PTPRD: variants seen among roughly 807,000 people sequenced by gnomAD.
PTPRD encodes receptor-type tyrosine-protein phosphatase delta.
Under a neutral mutation model 214.5 loss-of-function variants are expected in PTPRD, and 34 were observed. The ratio of observed to expected loss-of-function variants is 0.16; its 90% CI spans 0.12 to 0.21. The LOEUF (loss-of-function observed/expected upper bound fraction) is 0.21, where lower values mean the gene tolerates loss of function less well. PTPRD is among the 10% of genes least tolerant of loss of function. The probability of loss-of-function intolerance (pLI) is 1.00; values close to 1 mark genes in which losing one functional copy is unlikely to be tolerated. For missense variants in PTPRD, 2,545 were observed against 2,398.7 expected, an observed-to-expected ratio of 1.06 and a Z score of -1.27; for synonymous variants, 1,128 against 845.7, an observed-to-expected ratio of 1.33 and a Z score of -5.79.
chr9:8,714,144 T>C (rs530915601), intron 12 of PTPRD, among the ~76,000 whole-genome samples: 1 of 152,340 alleles, frequency 6.6e-6, no homozygotes, highest in Admixed American at 6.5e-5. Context: ...ATGATCTATA[T>C]AATCTACTTG....
intron 8 of PTPRD, among the ~76,000 whole-genome samples, chr9:9,548,302 G>T (rs1191301395): frequency 1.3e-5 from 2 of 151,564 alleles, no homozygotes; most frequent in African/African-American, 4.8e-5. Context: ...TTAAAGAAAA[G>T]AGACTAAAAA....
intron 7 of PTPRD, among the ~76,000 whole-genome samples, chr9:9,624,162 T>C (rs1444701736): frequency 3.9e-5 from 6 of 152,220 alleles, no homozygotes; most frequent in Admixed American, 3.9e-4. Context: ...CAAGTCTTAA[T>C]TGCCATCATC....
chr9:8,782,757 G>A (rs1403857215), intron 11 of PTPRD, among the ~76,000 whole-genome samples: 1 of 151,820 alleles, frequency 6.6e-6, no homozygotes, highest in African/African-American at 2.4e-5. Context: ...ACCACCACCT[G>A]ACTAATTTTT....
At chr9:8,424,957 C>T (rs1372738860) in intron 35 of PTPRD, among the ~76,000 whole-genome samples, 1 of 152,158 alleles carries the variant, frequency 6.6e-6, no homozygotes, top group African/African-American at 2.4e-5. Context: ...TTTCCCAAGG[C>T]CTAGCCAAAA....
intron 7 of PTPRD, among the ~76,000 whole-genome samples, chr9:9,715,743 G>A (rs4424321): frequency 6.6e-6 from 1 of 152,026 alleles, no homozygotes; most frequent in Non-Finnish European, 1.5e-5. Flanking sequence ...CTATTTCAAA[G>A]AGAGGTTAAT....
chr9:10,252,792 T>C (rs2092906082), intron 3 of PTPRD, among the ~76,000 whole-genome samples: 1 of 152,276 alleles, frequency 6.6e-6, no homozygotes, highest in African/African-American at 2.4e-5. Flanking sequence ...GTGTATTTTT[T>C]TTCTTTTTTG....
intron 11 of PTPRD, among the ~76,000 whole-genome samples, chr9:8,798,590 G>A (rs976607282): frequency 2.0e-5 from 3 of 152,148 alleles, no homozygotes; most frequent in African/African-American, 4.8e-5. Context: ...ATACCATATC[G>A]TCTAAAAGCT....
chr9:10,075,063 G>C (rs1451184448), intron 3 of PTPRD, among the ~76,000 whole-genome samples: 1 of 152,052 alleles, frequency 6.6e-6, no homozygotes, highest in African/African-American at 2.4e-5. Flanking sequence ...ATTTCATGGA[G>C]TAATAAGTTA....
At chr9:10,404,020 T>C (rs1238422826) in intron 2 of PTPRD, among the ~76,000 whole-genome samples, 2 of 151,668 alleles carry the variant, frequency 1.3e-5, no homozygotes, top group Non-Finnish European at 2.9e-5. Flanking sequence ...TGATGTATCA[T>C]GTAGTAATGA....
chr9:10,442,912 G>A (rs543606929), intron 2 of PTPRD, among the ~76,000 whole-genome samples: 1 of 151,448 alleles, frequency 6.6e-6, no homozygotes, highest in South Asian at 2.1e-4. Flanking sequence ...ACCCTTTCTT[G>A]ACATGTATTA....
At chr9:9,062,998 G>T (rs527292008) in intron 10 of PTPRD, among the ~76,000 whole-genome samples, 3 of 152,268 alleles carry the variant, frequency 2.0e-5, no homozygotes, top group East Asian at 1.9e-4. Flanking sequence ...GTGGGTAGGG[G>T]CTAAACATGG....
rs528038716 is a variant in PTPRD at position 9,384,199 on chromosome 9, C to G, written c.-203+13250G>C. On this transcript the variant is annotated intron_variant, in intron 9 of 45. Coordinates refer to ENST00000381196, the MANE Select transcript of PTPRD (RefSeq NM_002839.4). ...GTGTTACTTACATAAAATCAGTGAA[C>G]TAGTAGGTATAGAAGATGATGAATA... 8.9e-4 allele frequency among the ~76,000 whole-genome samples: 134 copies of G among 151,268 alleles called. 1 individual carries two copies. The highest frequency in any genetic ancestry group is 3.1e-3 in the African/African-American group (127 of 41,280).
At chr9:8,353,930 G>GTATATA (rs1564202307) in intron 39 of PTPRD, among the ~76,000 whole-genome samples, 12 of 99,078 alleles carry the variant, frequency 1.2e-4, no homozygotes, top group African/African-American at 4.6e-4. Flanking sequence ...ATATATATGT[G>GTATATA]TGTGTACATA....
chr9:8,355,104 G>A (rs539640326), intron 39 of PTPRD, among the ~76,000 whole-genome samples: 1 of 151,998 alleles, frequency 6.6e-6, no homozygotes, highest in East Asian at 1.9e-4. Flanking sequence ...GAGGTGGATC[G>A]TTCATGAAGG....
At chr9:9,096,344 G>C (rs58894346) in intron 10 of PTPRD, among the ~76,000 whole-genome samples, 1 of 151,780 alleles carries the variant, frequency 6.6e-6, no homozygotes, top group African/African-American at 2.4e-5. Flanking sequence ...TTAAATATAC[G>C]CAATACAATT....
At chr9:9,291,275 C>T (rs1951055178) in intron 9 of PTPRD, among the ~76,000 whole-genome samples, 1 of 151,494 alleles carries the variant, frequency 6.6e-6, no homozygotes, top group East Asian at 2.0e-4. Flanking sequence ...AAACCTTAAA[C>T]TTTTCTTCAA....
chr9:9,031,983 C>A (rs1399094438), intron 10 of PTPRD, among the ~76,000 whole-genome samples: 1 of 151,774 alleles, frequency 6.6e-6, no homozygotes, highest in East Asian at 1.9e-4. Context: ...ACATATTTTT[C>A]ATGTCTGGTT....
chr9:10,607,438 G>C (rs1199017455), intron 2 of PTPRD, among the ~76,000 whole-genome samples: 9 of 151,732 alleles, frequency 5.9e-5, no homozygotes, highest in Non-Finnish European at 7.4e-5. Context: ...ATTTTGAAGA[G>C]AACAGATGTT....
chr9:9,510,321 A>G lies in PTPRD; in HGVS notation c.-237+64411T>C, dbSNP rs572023779. Among the ~76,000 whole-genome samples the G allele has an allele frequency of 2.0e-5, 3 of 151,746 alleles. No individual in the cohort carries two copies. The East Asian group carries it at 5.8e-4, about 29-fold the overall frequency. ...CTGCATTCTGTAAGACACACTATAAACTTTTAAAAACAGGATGTCTTATTC... is the reference window on the plus strand; with the variant it reads ...CTGCATTCTGTAAGACACACTATAAGCTTTTAAAAACAGGATGTCTTATTC... On this transcript the variant is annotated intron_variant, in intron 8 of 45. Coordinates refer to ENST00000381196, the MANE Select transcript of PTPRD (RefSeq NM_002839.4).
Sources: allele counts gnomAD v4.1 joint callset (sites outside exome capture counted in the v4.1 genomes callset), GRCh38; gene constraint gnomAD v4.1.1; transcripts MANE v1.5; gene names NCBI Gene and HGNC (gene_info 2026-07-23, HGNC 2026-07-21).